Variants in LRBA observed in about 807,000 individuals in gnomAD.
LRBA encodes LPS responsive beige-like anchor protein.
A neutral mutation model predicts 330.0 loss-of-function variants in LRBA; 176 were observed. The ratio of observed to expected loss-of-function variants is 0.53; its 90% CI spans 0.47 to 0.60. The LOEUF (loss-of-function observed/expected upper bound fraction) is 0.60. LRBA is among the 20% of genes least tolerant of loss of function. LRBA has a pLI of 0.00. For missense variants in LRBA, 3,259 were observed against 3,444.8 expected (o/e 0.95, Z 1.35); for synonymous variants, 1,230 against 1,193.0 (o/e 1.03, Z -0.64).
chr4:150,916,948 T>C (rs368468587), intron 5 of LRBA, among the ~76,000 whole-genome samples: 8 of 152,048 alleles, frequency 5.3e-5, no homozygotes, highest in Admixed American at 5.2e-4. Flanking sequence ...GGTCAGGAGA[T>C]TGAGACCATC....
At chr4:150,958,194 C>A (rs910737662) in intron 2 of LRBA, among the ~76,000 whole-genome samples, 1 of 149,086 alleles carries the variant, frequency 6.7e-6, no homozygotes, top group Non-Finnish European at 1.5e-5. Context: ...ACACCTCTGC[C>A]TGGACATCCA....
rs144453185 is a variant in LRBA at position 150,868,286 on chromosome 4, C to T, written c.2469G>A (p.Ala823=). Residue 823 remains alanine (A), a synonymous_variant, in exon 21 of 57, where the codon GCG becomes GCA. Coordinates refer to ENST00000651943, the MANE Select transcript of LRBA (RefSeq NM_001364905.1). ...IQNPQILKVI[A]TLLRNSPQCP... ...ACTGGGGAGAATTTCGAAGTAGGGT[C>T]GCAATTACTTTTAGTATCTCTGTAA... is the stretch of plus-strand genomic sequence containing the variant. 196 of 1,610,822 alleles carry T rather than the reference C, an allele frequency of 1.2e-4. 1 individual carries two copies. In the African/African-American group the frequency reaches 1.9e-3, roughly 16 times the overall value.
chr4:150,424,946 A>G (rs1749366140), intron 46 of LRBA, among the ~76,000 whole-genome samples: 1 of 152,222 alleles, frequency 6.6e-6, no homozygotes, highest in Admixed American at 6.5e-5. Flanking sequence ...CTCTCTTAAT[A>G]CGAAATAAAC....
At chr4:150,634,817 A>G (rs1467684507) in intron 37 of LRBA, among the ~76,000 whole-genome samples, 2 of 152,246 alleles carry the variant, frequency 1.3e-5, no homozygotes, top group African/African-American at 4.8e-5. Flanking sequence ...TTTCTCAGAA[A>G]GAAACATTTA....
intron 52 of LRBA, among the ~76,000 whole-genome samples, chr4:150,303,565 G>A (rs1441960351): frequency 2.0e-5 from 3 of 149,792 alleles, no homozygotes; most frequent in African/African-American, 7.4e-5. Context: ...ACCCTTTTTT[G>A]TTATTTTTAT....
In LRBA at chr4:150,530,049, A is replaced by G. The variant is rs61322360; in HGVS notation, c.6331-39014T>C. ...TTGGCAGGAATTAATATTTGAATAG[A>G]TATTTAAATCTTTTGAAATTTAATA... is the stretch of plus-strand genomic sequence containing the variant. On this transcript the variant is annotated intron_variant, in intron 40 of 56. Coordinates refer to ENST00000651943, the MANE Select transcript of LRBA (RefSeq NM_001364905.1). Among the ~76,000 whole-genome samples, 181 of 152,324 alleles carry G rather than the reference A, an allele frequency of 1.2e-3. 4 individuals carry two copies. The highest frequency in any genetic ancestry group is 4.3e-3 in the African/African-American group (177 of 41,572).
At chr4:150,427,078 A>G (rs1300406690) in intron 46 of LRBA, among the ~76,000 whole-genome samples, 3 of 151,980 alleles carry the variant, frequency 2.0e-5, no homozygotes, top group African/African-American at 7.2e-5. Context: ...AATTTCTGGA[A>G]TAAGTGGTAG....
chr4:150,476,448 C>G (rs1756714692), intron 42 of LRBA, among the ~76,000 whole-genome samples: 4 of 152,086 alleles, frequency 2.6e-5, no homozygotes. Context: ...AACCCAGGCA[C>G]TCTCTAGGTT....
At chr4:150,708,799 A>G (rs1785894649) in intron 36 of LRBA, among the ~76,000 whole-genome samples, 1 of 151,874 alleles carries the variant, frequency 6.6e-6, no homozygotes, top group Non-Finnish European at 1.5e-5. Flanking sequence ...AGGCTATATA[A>G]TAGAGACAAA....
At chr4:150,901,116 C>T (rs1221402803) in intron 13 of LRBA, among the ~76,000 whole-genome samples, 3 of 151,764 alleles carry the variant, frequency 2.0e-5, no homozygotes, top group African/African-American at 4.8e-5. Context: ...TGGCCAACAT[C>T]GTGAAACTTC....
chr4:150,667,299 G>T (rs972034085), intron 37 of LRBA, among the ~76,000 whole-genome samples: 22 of 152,144 alleles, frequency 1.4e-4, no homozygotes, highest in African/African-American at 5.3e-4. Flanking sequence ...ACTTCGTTGG[G>T]CATGTAATCA....
At chr4:150,481,686 A>G (rs1229292664) in intron 42 of LRBA, among the ~76,000 whole-genome samples, 1 of 152,092 alleles carries the variant, frequency 6.6e-6, no homozygotes, top group Non-Finnish European at 1.5e-5. Flanking sequence ...TGGAGCCCGT[A>G]ATGTTTAATT....
chr4:150,413,623 G>A (rs914388835), intron 47 of LRBA, among the ~76,000 whole-genome samples: 1 of 152,162 alleles, frequency 6.6e-6, no homozygotes, highest in South Asian at 2.1e-4. Context: ...GCCGGCAGTG[G>A]AAGCAGAGGC....
At chr4:150,489,271 T>A (rs1322099881) in intron 41 of LRBA, among the ~76,000 whole-genome samples, 1 of 59,210 alleles carries the variant, frequency 1.7e-5, no homozygotes, top group African/African-American at 7.3e-5. Context: ...TAAGAATATA[T>A]AATATATTAT....
intron 2 of LRBA, among the ~76,000 whole-genome samples, chr4:150,979,160 C>T (rs920463688): frequency 3.9e-5 from 6 of 152,090 alleles, no homozygotes; most frequent in African/African-American, 1.2e-4. Context: ...AAACAAATAA[C>T]GTACAATGGA....
chr4:150,388,374 C>T lies in LRBA; in HGVS notation c.7194+27064G>A, dbSNP rs75738806. Among the ~76,000 whole-genome samples, 1,302 of 152,312 alleles carry T rather than the reference C, an allele frequency of 8.5e-3. 17 individuals carry two copies. Among genetic ancestry groups the T allele is most frequent in the African/African-American group, 0.03 (1,235 of 41,568 alleles). On this transcript the variant is annotated intron_variant, in intron 47 of 56. Transcript: ENST00000651943. ...TCCTAAAATTCATGCCTTTATCACA[C>T]GCAAAATGCATTAATTCCATCCCAA...
intron 28 of LRBA, among the ~76,000 whole-genome samples, chr4:150,843,838 A>G (rs1473214224): frequency 6.6e-6 from 1 of 152,214 alleles, no homozygotes; most frequent in African/African-American, 2.4e-5. Context: ...TAATTAATAC[A>G]TGTATATCAC....
chr4:150,915,007 G>A (rs2149487744), intron 8 of LRBA, among the ~76,000 whole-genome samples: 1 of 152,210 alleles, frequency 6.6e-6, no homozygotes, highest in South Asian at 2.1e-4. Context: ...ACCTAAGTCT[G>A]TCTGATTCAA....
At chr4:150,730,020 T>G (rs1485696340) in intron 36 of LRBA, among the ~76,000 whole-genome samples, 1 of 152,290 alleles carries the variant, frequency 6.6e-6, no homozygotes, top group East Asian at 1.9e-4. Flanking sequence ...GACTTAAATC[T>G]AAGACTTCAA....
Sources: allele counts gnomAD v4.1 joint callset (sites outside exome capture counted in the v4.1 genomes callset), GRCh38; gene constraint gnomAD v4.1.1; transcripts MANE v1.5; gene names NCBI Gene and HGNC (gene_info 2026-07-23, HGNC 2026-07-21).